CTDSPL2: variants seen among roughly 807,000 people sequenced by gnomAD.
CTDSPL2 encodes CTD small phosphatase like 2, also known as CTD small phosphatase-like protein 2.
CTDSPL2 carries 5 observed loss-of-function variants against 60.0 expected under a neutral mutation model. The observed-to-expected ratio is 0.08, with a 90% CI of 0.04 to 0.18. The LOEUF (loss-of-function observed/expected upper bound fraction) is 0.18, where lower values mean the gene tolerates loss of function less well. Among genes scored for constraint, CTDSPL2 ranks in the 10% least tolerant of loss-of-function variants. The pLI is 1.00. For missense variants in CTDSPL2, 370 were observed against 548.8 expected (o/e 0.67, Z 3.26); for synonymous variants, 186 against 189.3 (o/e 0.98, Z 0.14).
chr15:44,496,314 G>C, intron 5 of CTDSPL2, 66 bp from the exon 6 acceptor site: 1 of 1,114,686 alleles, frequency 9.0e-7, no homozygotes, highest in Non-Finnish European at 1.3e-6. Flanking sequence ...GATAGAAGCA[G>C]TAAAAATATA....
chr15:44,471,869 A>G (rs981547482), intron 2 of CTDSPL2, among the ~76,000 whole-genome samples: 5 of 151,790 alleles, frequency 3.3e-5, no homozygotes, highest in Admixed American at 2.0e-4. Flanking sequence ...ACCATAGTCT[A>G]TTATGTCTGG....
chr15:44,485,604 C>T (rs556113973), intron 3 of CTDSPL2, among the ~76,000 whole-genome samples: 1 of 152,192 alleles, frequency 6.6e-6, no homozygotes, highest in Non-Finnish European at 1.5e-5. Flanking sequence ...AGAGCTCAGG[C>T]GTTAATGCTT....
At chr15:44,502,802 T>G (rs2140838044) in intron 8 of CTDSPL2, among the ~76,000 whole-genome samples, 1 of 152,340 alleles carries the variant, frequency 6.6e-6, no homozygotes, top group East Asian at 1.9e-4. Context: ...GTAATCTGGT[T>G]GTGGGCCTTT....
At chr15:44,483,648 G>A (rs986881595) in intron 2 of CTDSPL2, among the ~76,000 whole-genome samples, 1 of 152,204 alleles carries the variant, frequency 6.6e-6, no homozygotes, top group Admixed American at 6.5e-5. Context: ...TGCAAGAATA[G>A]TATAAACTGG....
chr15:44,483,190 C>T (rs139293217), intron 2 of CTDSPL2, among the ~76,000 whole-genome samples: 2,405 of 144,674 alleles, frequency 0.017, 67 homozygotes, highest in African/African-American at 0.05. Flanking sequence ...ACCCAGGAGG[C>T]GGGCGGAGGT....
At chr15:44,473,879 G>A (rs1175344699) in intron 2 of CTDSPL2, among the ~76,000 whole-genome samples, 1 of 152,102 alleles carries the variant, frequency 6.6e-6, no homozygotes, top group African/African-American at 2.4e-5. Flanking sequence ...TTTCTACAGG[G>A]GTAGAGTATC....
At chr15:44,497,912 A>G (rs1480797089) in intron 7 of CTDSPL2, among the ~76,000 whole-genome samples, 1 of 152,130 alleles carries the variant, frequency 6.6e-6, no homozygotes, top group Non-Finnish European at 1.5e-5. Flanking sequence ...CACAAGAATC[A>G]CTAGAACCCA....
chr15:44,446,705 CAA>C (rs558280344), intron 1 of CTDSPL2, among the ~76,000 whole-genome samples: 8 of 92,206 alleles, frequency 8.7e-5, no homozygotes, highest in Admixed American at 1.2e-4. Flanking sequence ...AGGGAACAGG[CAA>C]AAAAAAAAAA....
At chr15:44,475,077 T>C (rs1056093305) in intron 2 of CTDSPL2, among the ~76,000 whole-genome samples, 3 of 152,056 alleles carry the variant, frequency 2.0e-5, no homozygotes, top group Non-Finnish European at 4.4e-5. Flanking sequence ...TTGGTGCTGG[T>C]ATCAAATAAA....
chr15:44,469,954 C>T (rs770944428), intron 2 of CTDSPL2, among the ~76,000 whole-genome samples: 1 of 151,688 alleles, frequency 6.6e-6, no homozygotes, highest in Non-Finnish European at 1.5e-5. Flanking sequence ...AAAAATTAGC[C>T]GGGTGTGGTG....
rs763329991 is a variant in CTDSPL2, at chr15:44,490,793, G to A, written c.485G>A (p.Gly162Glu). ...FSPANKNGTS[G>E]SDSPGQAVEA... ...TGAATCATGATTTCAGGAACGTCAG[G>A]ATCAGATTCTCCAGGACAGGCTGTG... The change falls in exon 5 of 13, where the codon GGA becomes GAA. Residue 162 changes from glycine to glutamate, a missense_variant. This residue lies in a region of CTDSPL2 where 287 missense variants were observed against 296.1 expected (regional missense o/e 0.97). Transcript: ENST00000260327. 3 of 1,612,396 alleles carry A rather than the reference G, an allele frequency of 1.9e-6. No individual in the cohort carries two copies. The highest frequency in any genetic ancestry group is 2.2e-5 in the South Asian group (2 of 90,986).
At chr15:44,467,583 AT>A (rs1031589027) in intron 2 of CTDSPL2, among the ~76,000 whole-genome samples, 1 of 150,980 alleles carries the variant, frequency 6.6e-6, no homozygotes, top group Non-Finnish European at 1.5e-5. Flanking sequence ...TATTTATTTT[AT>A]TTTTTTTGAG....
At chr15:44,456,875 T>TG (rs1193817395) in intron 1 of CTDSPL2, among the ~76,000 whole-genome samples, 2 of 148,534 alleles carry the variant, frequency 1.3e-5, no homozygotes, top group African/African-American at 5.1e-5. Flanking sequence ...TCTTTTTTTT[T>TG]TTGTTTTTTT....
chr15:44,523,841 G>A (rs2081830068), intron 12 of CTDSPL2, among the ~76,000 whole-genome samples: 3 of 152,226 alleles, frequency 2.0e-5, no homozygotes, highest in Non-Finnish European at 2.9e-5. Flanking sequence ...AGAAGTTGCA[G>A]TGAGCTGAGA....
rs563592593 is a variant in CTDSPL2, at chr15:44,527,584, A to G, written c.*3410A>G. The G allele has an allele frequency of 1.3e-5, 2 of 152,342 alleles. No individual in the cohort carries two copies. The highest frequency in any genetic ancestry group is 4.8e-5 in the African/African-American group (2 of 41,592). 9.4% of individuals were successfully genotyped at this position (152,342 alleles called of 1,614,324 possible). ...GAAGCCTTTATTTAATTGTACTAAT[A>G]TGATGGTGTTATATACTACATCATT... On this transcript the variant is annotated 3_prime_UTR_variant, in exon 13 of 13. Transcript: ENST00000260327.
intron 8 of CTDSPL2, chr15:44,502,025 A>G (rs1467020559): frequency 3.8e-5 from 17 of 450,932 alleles, no homozygotes; most frequent in Non-Finnish European, 4.9e-5. Context: ...GATCTAAGAG[A>G]TATTGGAGAA....
At chr15:44,514,416 T>C (rs774690278) in intron 8 of CTDSPL2, among the ~76,000 whole-genome samples, 182 bp from the exon 9 acceptor site, 22 of 152,196 alleles carry the variant, frequency 1.4e-4, no homozygotes, top group Non-Finnish European at 3.2e-4. Context: ...ACCAAAGAGA[T>C]TGGTTTAAGT....
chr15:44,433,330 G>GAAA (rs1020559472), intron 1 of CTDSPL2, among the ~76,000 whole-genome samples: 3 of 63,868 alleles, frequency 4.7e-5, no homozygotes, highest in Non-Finnish European at 1.0e-4. Context: ...CTGTCTCAAA[G>GAAA]AAAAAAAAAA....
intron 1 of CTDSPL2, among the ~76,000 whole-genome samples, chr15:44,433,347 AAAG>A (rs2079901494): frequency 6.6e-6 from 1 of 151,582 alleles, no homozygotes; most frequent in Non-Finnish European, 1.5e-5. Context: ...AAAAAAAAAA[AAAG>A]GACAAAAAAC....
Sources: allele counts gnomAD v4.1 joint callset (sites outside exome capture counted in the v4.1 genomes callset), GRCh38; gene constraint gnomAD v4.1.1; regional missense constraint gnomAD v4.1.1; transcripts MANE v1.5; gene names NCBI Gene and HGNC (gene_info 2026-07-23, HGNC 2026-07-21).